Variants in NLGN1 observed in about 807,000 individuals in gnomAD.
NLGN1 encodes neuroligin-1.
In NLGN1, 12 loss-of-function variants were observed where a neutral mutation model predicts 65.5. The ratio of observed to expected loss-of-function variants is 0.18; its 90% CI spans 0.12 to 0.30. The LOEUF is 0.30. NLGN1 is among the 10% of genes least tolerant of loss of function. The probability of loss-of-function intolerance (pLI) is 1.00; values close to 1 mark genes in which losing one functional copy is unlikely to be tolerated. For missense variants in NLGN1, 750 were observed against 1,007.1 expected (o/e 0.74, Z 3.46); for synonymous variants, 350 against 359.5 (o/e 0.97, Z 0.30).
chr3:174,263,230 G>T (rs1258992384), intron 4 of NLGN1, among the ~76,000 whole-genome samples: 23 of 149,814 alleles, frequency 1.5e-4, no homozygotes, highest in Admixed American at 1.5e-3. Flanking sequence ...TCAATTCCTG[G>T]GTATCCTTGT....
At chr3:173,617,182 G>C (rs898021489) in intron 3 of NLGN1, among the ~76,000 whole-genome samples, 1 of 152,106 alleles carries the variant, frequency 6.6e-6, no homozygotes, top group Non-Finnish European at 1.5e-5. Flanking sequence ...AGCCTTTGCT[G>C]ATCAACCTAT....
intron 4 of NLGN1, among the ~76,000 whole-genome samples, chr3:174,233,221 G>A (rs1379578340): frequency 2.6e-5 from 4 of 152,028 alleles, no homozygotes; most frequent in South Asian, 2.1e-4. Context: ...AGTGACTCAC[G>A]CCAGTATCCC....
At chr3:173,976,687 G>C (rs1351225593) in intron 4 of NLGN1, among the ~76,000 whole-genome samples, 2 of 152,042 alleles carry the variant, frequency 1.3e-5, no homozygotes, top group African/African-American at 4.8e-5. Context: ...ATGTTGAAGA[G>C]CATGATTCTA....
intron 4 of NLGN1, among the ~76,000 whole-genome samples, chr3:174,233,425 G>A (rs943887793): frequency 6.6e-6 from 1 of 151,918 alleles, no homozygotes; most frequent in African/African-American, 2.4e-5. Context: ...GGCAGAGGTT[G>A]CAGTGAGCTG....
intron 2 of NLGN1, among the ~76,000 whole-genome samples, chr3:173,464,637 G>T (rs1724005065): frequency 6.6e-6 from 1 of 151,910 alleles, no homozygotes; most frequent in Non-Finnish European, 1.5e-5. Flanking sequence ...GTTTCTCCAT[G>T]TTGGTCAGGC....
intron 4 of NLGN1, among the ~76,000 whole-genome samples, chr3:173,809,924 C>G (rs1224418329): frequency 6.6e-6 from 1 of 152,136 alleles, no homozygotes; most frequent in Non-Finnish European, 1.5e-5. Flanking sequence ...AATATTTGTT[C>G]TGGCTCTACT....
At chr3:173,505,305 C>A (rs181296930) in intron 2 of NLGN1, among the ~76,000 whole-genome samples, 1 of 152,096 alleles carries the variant, frequency 6.6e-6, no homozygotes, top group African/African-American at 2.4e-5. Flanking sequence ...TGGCTTACAG[C>A]ATTGGCAGAT....
chr3:174,271,694 C>CAACT (rs1417219278), intron 4 of NLGN1, among the ~76,000 whole-genome samples: 1 of 151,730 alleles, frequency 6.6e-6, no homozygotes, highest in Non-Finnish European at 1.5e-5. Flanking sequence ...TAGATGTAAT[C>CAACT]AACTAGTAGT....
At chr3:173,768,990 G>C (rs1217147171) in intron 3 of NLGN1, among the ~76,000 whole-genome samples, 1 of 152,016 alleles carries the variant, frequency 6.6e-6, no homozygotes, top group Non-Finnish European at 1.5e-5. Flanking sequence ...GGCTGGTGTT[G>C]AAATCCTGGA....
At chr3:173,540,771 A>G (rs928402502) in intron 2 of NLGN1, among the ~76,000 whole-genome samples, 1 of 152,196 alleles carries the variant, frequency 6.6e-6, no homozygotes, top group Non-Finnish European at 1.5e-5. Context: ...CCCTAGTGAC[A>G]ACTACTCCTG....
At chr3:174,294,272 G>A in the NLGN1 span, among the ~76,000 whole-genome samples, 1 of 151,508 alleles carries the variant, frequency 6.6e-6, no homozygotes, top group Admixed American at 6.6e-5. Flanking sequence ...TATATTAGAT[G>A]TATTCCTTTA....
chr3:173,999,105 A>G (rs1253162638), intron 4 of NLGN1, among the ~76,000 whole-genome samples: 1 of 152,208 alleles, frequency 6.6e-6, no homozygotes, highest in Non-Finnish European at 1.5e-5. Flanking sequence ...TAGTATCTCT[A>G]GAAGGACAGT....
intron 2 of NLGN1, among the ~76,000 whole-genome samples, chr3:173,485,926 G>C (rs1425800505): frequency 1.3e-5 from 2 of 151,838 alleles, no homozygotes; most frequent in Non-Finnish European, 2.9e-5. Context: ...TCTTTCTTTA[G>C]GTCTTATCTT....
At chr3:173,615,469 G>A (rs555081111) in intron 3 of NLGN1, among the ~76,000 whole-genome samples, 2 of 152,242 alleles carry the variant, frequency 1.3e-5, no homozygotes, top group African/African-American at 4.8e-5. Context: ...CTAAGTAAAT[G>A]TAAGTTTGAT....
At chr3:173,540,583 G>A (rs1291175256) in intron 2 of NLGN1, among the ~76,000 whole-genome samples, 4 of 152,196 alleles carry the variant, frequency 2.6e-5, no homozygotes, top group African/African-American at 9.6e-5. Context: ...GTCTTTGGCA[G>A]TGGCTCCTTT....
At chr3:174,290,758 G>A (rs1184469908), downstream of NLGN1, among the ~76,000 whole-genome samples, 3 of 150,888 alleles carry the variant, frequency 2.0e-5, no homozygotes, top group African/African-American at 7.3e-5. Context: ...ATTAAATACT[G>A]GGAATAAAGG....
chr3:173,590,718 CA>C (rs533089812), intron 2 of NLGN1, among the ~76,000 whole-genome samples: 5 of 152,132 alleles, frequency 3.3e-5, no homozygotes, highest in Admixed American at 6.5e-5. Context: ...AATGTATAAT[CA>C]GTAGTTATTT....
chr3:174,080,019 C>T (rs373880341), intron 4 of NLGN1, among the ~76,000 whole-genome samples: 1 of 151,860 alleles, frequency 6.6e-6, no homozygotes, highest in African/African-American at 2.4e-5. Flanking sequence ...AACCTGCACA[C>T]GTACCCCTGA....
intron 4 of NLGN1, among the ~76,000 whole-genome samples, chr3:173,931,830 G>A (rs1264968234): frequency 6.6e-6 from 1 of 152,118 alleles, no homozygotes; most frequent in Non-Finnish European, 1.5e-5. Flanking sequence ...ATCCAAGTGA[G>A]AGAAAATGGT....
Sources: allele counts gnomAD v4.1 joint callset (sites outside exome capture counted in the v4.1 genomes callset), GRCh38; gene constraint gnomAD v4.1.1; transcripts MANE v1.5; gene names NCBI Gene and HGNC (gene_info 2026-07-23, HGNC 2026-07-21).